Variants in PARD3 observed in about 807,000 individuals in gnomAD.
The protein encoded by PARD3 is par-3 family cell polarity regulator.
PARD3 carries 75 observed loss-of-function variants against 155.4 expected under a neutral mutation model. The observed-to-expected ratio is 0.48, with a 90% confidence interval of 0.40 to 0.58. PARD3 has a LOEUF of 0.58. Among genes scored for constraint, PARD3 ranks in the 20% least tolerant of loss-of-function variants. The pLI is 0.00. For synonymous variants in PARD3, 576 were observed against 610.5 expected, an observed-to-expected ratio of 0.94 and a Z score of 0.83; for missense variants, 1,642 against 1,721.7, an observed-to-expected ratio of 0.95 and a Z score of 0.82.
intron 17 of PARD3, 181 bp from the exon 18 acceptor site, chr10:34,336,424 T>C (rs1206060733): frequency 1.6e-5 from 9 of 553,758 alleles, no homozygotes; most frequent in Non-Finnish European, 2.3e-5. Flanking sequence ...AGTGTCTCCA[T>C]GCAATATGCC....
chr10:34,298,936 C>T (rs145485112), intron 20 of PARD3, among the ~76,000 whole-genome samples: 1 of 152,170 alleles, frequency 6.6e-6, no homozygotes, highest in African/African-American at 2.4e-5. Context: ...TGAGTCTGTG[C>T]TACAACCAAG....
chr10:34,450,318 T>C lies in PARD3; in HGVS notation c.713A>G (p.Gln238Arg). Residue 238 changes from glutamine (Q) to arginine (R), a missense_variant and splice_region_variant, in exon 5 of 25, where the codon CAG becomes CGG. By Grantham distance (43) the Gln-to-Arg change is conservative. Transcript: ENST00000374788. ...ACATATAAGGATTTGTCATGTTACC[T>C]GTTCTTGTTTCTCCAGCCACTTGCC... The part of the protein sequence containing the change: ...MVGKWLEKQE[Q>R]DEDGTEEDNS... The C allele has an allele frequency of 6.2e-7, 1 of 1,612,734 alleles. No homozygotes were observed. The highest frequency in any genetic ancestry group is 8.5e-7 in the Non-Finnish European group (1 of 1,179,546).
chr10:34,183,399 T>C (rs1950350655), intron 22 of PARD3, among the ~76,000 whole-genome samples: 1 of 152,198 alleles, frequency 6.6e-6, no homozygotes, highest in Non-Finnish European at 1.5e-5. Context: ...AAGGACTTCT[T>C]GATAAGGGTT....
At chr10:34,241,448 A>AG (rs2133658019) in intron 22 of PARD3, among the ~76,000 whole-genome samples, 1 of 152,234 alleles carries the variant, frequency 6.6e-6, no homozygotes, top group South Asian at 2.1e-4. Flanking sequence ...CAGCAGCGGG[A>AG]GGGCACAGGG....
chr10:34,805,258 G>A (rs371973039), intron 1 of PARD3, among the ~76,000 whole-genome samples: 1 of 152,124 alleles, frequency 6.6e-6, no homozygotes, highest in African/African-American at 2.4e-5. Flanking sequence ...TCGGAAGGCT[G>A]AGACAGGAGA....
At chr10:34,573,837 C>T (rs2086670242) in intron 2 of PARD3, among the ~76,000 whole-genome samples, 1 of 151,876 alleles carries the variant, frequency 6.6e-6, no homozygotes, top group Admixed American at 6.6e-5. Context: ...ACACACTCTT[C>T]ATACAATGCC....
chr10:34,157,306 G>A lies in PARD3; in HGVS notation c.3420-25723C>T, dbSNP rs188573559. On this transcript the variant is annotated intron_variant, in intron 22 of 24. Coordinates refer to ENST00000374788, the MANE Select transcript of PARD3 (RefSeq NM_001184785.2). ...CTCAGCTGTCTTAGATTCATGCTGC[G>A]TTGTAGCTGTTTGTTTACTGGACTT... Among the ~76,000 whole-genome samples, 100 of 152,262 alleles carry A rather than the reference G, an allele frequency of 6.6e-4. 1 individual carries two copies. Among genetic ancestry groups the A allele is most frequent in the African/African-American group, 2.3e-3 (96 of 41,544 alleles).
chr10:34,752,257 A>G (rs1055768735), intron 1 of PARD3, among the ~76,000 whole-genome samples: 1 of 151,598 alleles, frequency 6.6e-6, no homozygotes, highest in African/African-American at 2.4e-5. Flanking sequence ...AAGTATGTGC[A>G]TTCTTTTTGC....
intron 2 of PARD3, among the ~76,000 whole-genome samples, chr10:34,557,089 T>A (rs531067551): frequency 3.9e-4 from 59 of 152,292 alleles, no homozygotes; most frequent in African/African-American, 1.1e-3. Context: ...CAGAGAGGAA[T>A]GTCAACCATG....
chr10:34,375,755 A>AT (rs1020329672), intron 10 of PARD3, among the ~76,000 whole-genome samples: 41 of 152,322 alleles, frequency 2.7e-4, no homozygotes, highest in African/African-American at 9.4e-4. Flanking sequence ...CAAAAAAGAC[A>AT]TTTTGTCCAA....
chr10:34,661,385 T>A (rs936374238), intron 2 of PARD3, among the ~76,000 whole-genome samples: 3 of 152,224 alleles, frequency 2.0e-5, no homozygotes, highest in Non-Finnish European at 4.4e-5. Flanking sequence ...GGGACATTTA[T>A]ACAGTGCAAA....
At chr10:34,428,832 G>A (rs1470925440) in intron 5 of PARD3, among the ~76,000 whole-genome samples, 6 of 152,164 alleles carry the variant, frequency 3.9e-5, no homozygotes, top group Non-Finnish European at 7.4e-5. Context: ...ATGTAAGCTT[G>A]CACAAACACA....
At chr10:34,718,289 C>A (rs967766324) in intron 1 of PARD3, among the ~76,000 whole-genome samples, 8 of 151,932 alleles carry the variant, frequency 5.3e-5, no homozygotes, top group African/African-American at 1.7e-4. Context: ...ACACTAAAGA[C>A]AAAGAACGCT....
chr10:34,204,597 G>T (rs547545401), intron 22 of PARD3, among the ~76,000 whole-genome samples: 9 of 152,234 alleles, frequency 5.9e-5, no homozygotes, highest in African/African-American at 1.9e-4. Flanking sequence ...TCACAGACAA[G>T]GAATGAATCT....
At chr10:34,316,935 C>T (rs1958045056) in intron 20 of PARD3, among the ~76,000 whole-genome samples, 172 bp downstream of exon 20, 3 of 152,138 alleles carry the variant, frequency 2.0e-5, no homozygotes, top group Admixed American at 2.0e-4. Flanking sequence ...ATGGAATGAT[C>T]TGTTGCCCAG....
chr10:34,338,235 C>A (rs1836409812), intron 16 of PARD3, among the ~76,000 whole-genome samples: 1 of 152,218 alleles, frequency 6.6e-6, no homozygotes, highest in Admixed American at 6.5e-5. Flanking sequence ...GATAAGGAAG[C>A]ATATGGCAAA....
chr10:34,129,455 C>T (rs1179625005), intron 23 of PARD3, among the ~76,000 whole-genome samples: 1 of 152,126 alleles, frequency 6.6e-6, no homozygotes, highest in African/African-American at 2.4e-5. Context: ...GCCTGGCCTG[C>T]AATCATTTAT....
intron 5 of PARD3, among the ~76,000 whole-genome samples, chr10:34,420,852 A>C (rs1846119231): frequency 6.6e-6 from 1 of 152,220 alleles, no homozygotes; most frequent in African/African-American, 2.4e-5. Flanking sequence ...GTTCAGAACA[A>C]AATTTAATAA....
intron 1 of PARD3, among the ~76,000 whole-genome samples, chr10:34,697,689 C>T (rs1429085675): frequency 6.6e-6 from 1 of 151,970 alleles, no homozygotes; most frequent in Non-Finnish European, 1.5e-5. Flanking sequence ...TAACAGAGTT[C>T]CTCTGCACCC....
Sources: gnomAD v4.1 joint callset for allele counts (sites outside exome capture counted in the v4.1 genomes callset) on GRCh38, gnomAD v4.1.1 for gene constraint, MANE v1.5 for transcripts, NCBI Gene and HGNC (gene_info 2026-07-23, HGNC 2026-07-21) for gene names.